The following PCDHGA1 variants were observed in gnomAD, a reference collection of about 807,000 sequenced individuals.
PCDHGA1 encodes the protein protocadherin gamma-A1.
A neutral mutation model predicts 58.0 loss-of-function variants in PCDHGA1; 32 were observed. That is an observed-to-expected ratio of 0.55 (90% confidence interval 0.42 to 0.74). The LOEUF is 0.74. Ranked by LOEUF, PCDHGA1 falls within the 30% of genes least tolerant of loss-of-function variation. The probability of loss-of-function intolerance (pLI) is 0.00; values close to 1 mark genes in which losing one functional copy is unlikely to be tolerated. For synonymous variants in PCDHGA1, 498 were observed against 501.1 expected (o/e 0.99, Z 0.08); for missense variants, 1,205 against 1,182.3 (o/e 1.02, Z -0.28).
At chr5:141,495,896 CTCTG>C (rs1175207502) in intron 2 of PCDHGA1, among the ~76,000 whole-genome samples, 2 of 152,108 alleles carry the variant, frequency 1.3e-5, no homozygotes, top group Non-Finnish European at 2.9e-5. Flanking sequence ...CTCTCTTTGT[CTCTG>C]TCTCTGTATA....
At chr5:141,385,182 G>C (rs374159387) in intron 1 of PCDHGA1, 1 of 1,614,138 alleles carries the variant, frequency 6.2e-7, no homozygotes, top group African/African-American at 1.3e-5. Context: ...CCCTCACCGC[G>C]GACTCTCGGA....
At position 141,409,805 on chromosome 5, in the gene PCDHGA1, C is replaced by A. The variant is rs751397816; in HGVS notation, c.2421+76700C>A. On this transcript the variant is annotated intron_variant, in intron 1 of 3. Transcript: ENST00000517417. ...CGCCTTCGCGCTCACGCTGCAGGCC[C>A]GCGACCACGGCTCGCCCACGCTCAG... is the stretch of plus-strand genomic sequence containing the variant. 14 of 1,611,512 alleles carry A rather than the reference C, an allele frequency of 8.7e-6. No homozygotes were observed. Among genetic ancestry groups the A allele is most frequent in the Middle Eastern group, 1.6e-4 (1 of 6,072 alleles).
intron 2 of PCDHGA1, among the ~76,000 whole-genome samples, chr5:141,498,889 C>T (rs1415870992): frequency 3.4e-5 from 5 of 146,174 alleles, no homozygotes; most frequent in African/African-American, 1.3e-4. Flanking sequence ...GCTGAGATCA[C>T]ACCACTGCAC....
chr5:141,360,006 A>G lies in PCDHGA1; in HGVS notation c.2421+26901A>G, dbSNP rs551893441. On this transcript the variant is annotated intron_variant, in intron 1 of 3. Transcript: ENST00000517417. ...AGAGGGGAACTTCCTGCACAAACCA[A>G]CCACACAGAGAAGGCCAGTATAGAT... 5.9e-5 allele frequency: 71 copies of G among 1,203,596 alleles called. No homozygotes were observed. The Middle Eastern group carries it at 1.4e-3, about 25-fold the overall frequency. 74.6% of individuals were successfully genotyped at this position (1,203,596 alleles called of 1,614,324 possible). A position where few individuals can be genotyped will look rare whatever the true frequency, so the allele number is the denominator to read the frequency against.
intron 1 of PCDHGA1, chr5:141,419,639 G>A (rs1478835703): frequency 6.2e-7 from 1 of 1,612,442 alleles, no homozygotes; most frequent in African/African-American, 1.3e-5. Flanking sequence ...GGTGGTGGCC[G>A]TGGACGCGGA....
intron 1 of PCDHGA1, among the ~76,000 whole-genome samples, chr5:141,454,195 T>A (rs1295815862): frequency 1.3e-5 from 2 of 152,136 alleles, no homozygotes; most frequent in Admixed American, 1.3e-4. Flanking sequence ...TTAGTGAAGG[T>A]GAATTTATTG....
intron 1 of PCDHGA1, chr5:141,360,880 G>A: frequency 6.2e-7 from 1 of 1,614,004 alleles, no homozygotes; most frequent in Non-Finnish European, 8.5e-7. Context: ...CGTGTACAGG[G>A]TCACCCTGAG....
At position 141,355,654 on chromosome 5, in the gene PCDHGA1, T is replaced by C. The variant is rs199886630; in HGVS notation, c.2421+22549T>C. 3.2e-3 allele frequency: 5,118 copies of C among 1,613,994 alleles called. 18 individuals carry two copies. The highest frequency in any genetic ancestry group is 4.0e-3 in the Non-Finnish European group (4,668 of 1,179,882). ...TGAAAATGAAAATCCTGGGGCAAGA[T>C]TTCCTCTTCCTGAAGCTTTTGATCC... On this transcript the variant is annotated intron_variant, in intron 1 of 3. Transcript: ENST00000517417.
chr5:141,339,395 A>C lies in PCDHGA1; in HGVS notation c.2421+6290A>C, dbSNP rs770951440. 1.2e-5 allele frequency: 19 copies of C among 1,614,120 alleles called. No individual in the cohort carries two copies. Among genetic ancestry groups the C allele is most frequent in the Middle Eastern group, 1.6e-4 (1 of 6,084 alleles). ...TGGAGTAGAGGAACTGGAGCTAAAA[A>C]TCAGTGAAACCACTACGCCAGGATT... On this transcript the variant is annotated intron_variant, in intron 1 of 3. Transcript: ENST00000517417.
In PCDHGA1 at chr5:141,357,021, C is replaced by A. The variant is rs1285126199; in HGVS notation, c.2421+23916C>A. 1.9e-6 allele frequency: 3 copies of A among 1,614,146 alleles called. No homozygotes were observed. In the East Asian group the frequency reaches 6.7e-5, roughly 36 times the overall value. On this transcript the variant is annotated intron_variant, in intron 1 of 3. Transcript: ENST00000517417. ...GTCAGAATGCCTGGCTGTCCTACAG[C>A]CTACTCAAGTCCAGCGAGCCGGGAC...
intron 1 of PCDHGA1, chr5:141,366,451 C>G: frequency 6.2e-7 from 1 of 1,614,228 alleles, no homozygotes; most frequent in Non-Finnish European, 8.5e-7. Context: ...TCCTGGCCTT[C>G]GTCATCGTGC....
At chr5:141,409,243 AATC>A in intron 1 of PCDHGA1, 1 of 1,614,032 alleles carries the variant, frequency 6.2e-7, no homozygotes, top group South Asian at 1.1e-5. Context: ...GCCCAGAAAT[AATC>A]ATCACTTCTC....
Position 141,486,453 on chromosome 5 carries a change from C to T in PCDHGA1, c.2422-8354C>T, listed in dbSNP as rs776820667. 6.2e-6 allele frequency: 10 copies of T among 1,614,114 alleles called. No homozygotes were observed. The highest frequency in any genetic ancestry group is 1.1e-5 in the South Asian group (1 of 91,082). On this transcript the variant is annotated intron_variant, in intron 1 of 3. Transcript: ENST00000517417. The surrounding 1 kb of genome is among the most constrained non-coding windows in gnomAD (Gnocchi z 5.0). ...TCTAGCTATGACATCATGGTCACTGCTTCTGATGCTGGGAACCCTCCTCTC... is the reference window on the plus strand; with the variant it reads ...TCTAGCTATGACATCATGGTCACTGTTTCTGATGCTGGGAACCCTCCTCTC...
chr5:141,355,955 G>A (rs1334601429), intron 1 of PCDHGA1: 3 of 1,613,744 alleles, frequency 1.9e-6, no homozygotes, highest in South Asian at 1.1e-5. Flanking sequence ...GTAAGTGTTC[G>A]TGAGAACGTT....
intron 1 of PCDHGA1, chr5:141,428,653 T>A (rs952656382): frequency 1.8e-5 from 3 of 167,524 alleles, no homozygotes; most frequent in Admixed American, 1.1e-4. Flanking sequence ...TCACGTGAGT[T>A]CCAATGAATG....
In PCDHGA1 at chr5:141,418,848, G is replaced by A. The variant is rs770294020; in HGVS notation, c.2422-75959G>A. 20 of 1,613,836 alleles carry A rather than the reference G, an allele frequency of 1.2e-5. No individual in the cohort carries two copies. Among genetic ancestry groups the A allele is most frequent in the South Asian group, 6.6e-5 (6 of 91,080 alleles). ...AAAGACCGAGGATCTCTCTCAACAC[G>A]GTGTAAAGTAATTGTAGAAGTTGTA... On this transcript the variant is annotated intron_variant, in intron 1 of 3. Coordinates refer to ENST00000517417, the MANE Select transcript of PCDHGA1 (RefSeq NM_018912.3).
intron 3 of PCDHGA1, among the ~76,000 whole-genome samples, chr5:141,508,789 A>C: frequency 1.4e-5 from 2 of 145,944 alleles, no homozygotes; most frequent in African/African-American, 2.6e-5. Context: ...CCCCTAAATC[A>C]CTCTGGAATC....
intron 1 of PCDHGA1, among the ~76,000 whole-genome samples, chr5:141,459,757 G>T (rs1360124889): frequency 6.6e-6 from 1 of 152,162 alleles, no homozygotes; most frequent in Admixed American, 6.6e-5. Flanking sequence ...ATTCTAGTGG[G>T]TGTGTGATAC....
At chr5:141,342,495 T>G (rs978570400) in intron 1 of PCDHGA1, 4 of 152,234 alleles carry the variant, frequency 2.6e-5, no homozygotes, top group Non-Finnish European at 5.9e-5. Context: ...TATTGAATGA[T>G]ACCATATTTC....
Sources: allele counts gnomAD v4.1 joint callset (sites outside exome capture counted in the v4.1 genomes callset), GRCh38; gene constraint gnomAD v4.1.1; non-coding constraint Gnocchi (gnomAD v3.1); transcripts MANE v1.5; gene names NCBI Gene and HGNC (gene_info 2026-07-23, HGNC 2026-07-21).